KLF12: variants seen among roughly 807,000 people sequenced by gnomAD.
KLF12 encodes Krueppel-like factor 12.
Under a neutral mutation model 37.8 loss-of-function variants are expected in KLF12, and 9 were observed. The ratio of observed to expected loss-of-function variants is 0.24; its 90% CI spans 0.14 to 0.42. The LOEUF (loss-of-function observed/expected upper bound fraction) is 0.42. KLF12 is among the 10% of genes least tolerant of loss of function. The probability of loss-of-function intolerance (pLI) is 1.00; values close to 1 mark genes in which losing one functional copy is unlikely to be tolerated. For missense variants in KLF12, 411 were observed against 516.0 expected, an observed-to-expected ratio of 0.80 and a Z score of 1.97; for synonymous variants, 208 against 202.1, an observed-to-expected ratio of 1.03 and a Z score of -0.25.
chr13:73,749,408 A>G (rs748899923), intron 6 of KLF12, among the ~76,000 whole-genome samples: 4 of 152,212 alleles, frequency 2.6e-5, no homozygotes, highest in Non-Finnish European at 4.4e-5. Flanking sequence ...AATTAAAACT[A>G]AAAGACTGAT....
intron 1 of KLF12, among the ~76,000 whole-genome samples, chr13:74,009,369 C>A (rs1358000755): frequency 6.6e-6 from 1 of 152,166 alleles, no homozygotes; most frequent in Non-Finnish European, 1.5e-5. Flanking sequence ...TTCACGGTAA[C>A]CTTGTGAAGA....
the KLF12 span, among the ~76,000 whole-genome samples, chr13:74,161,048 T>A: frequency 6.7e-6 from 1 of 149,438 alleles, no homozygotes; most frequent in Non-Finnish European, 1.5e-5. Flanking sequence ...CGGAGATTGG[T>A]TTTGGACATT....
intron 3 of KLF12, among the ~76,000 whole-genome samples, chr13:73,852,454 C>T (rs1479842622): frequency 6.6e-6 from 1 of 152,092 alleles, no homozygotes; most frequent in East Asian, 1.9e-4. Context: ...AATTCAACTG[C>T]CTTATATCAA....
intron 1 of KLF12, among the ~76,000 whole-genome samples, chr13:74,008,001 C>T (rs1203211905): frequency 2.0e-5 from 3 of 151,788 alleles, no homozygotes; most frequent in African/African-American, 7.3e-5. Flanking sequence ...ATCAAAGTAA[C>T]AGTTACATTG....
At chr13:74,006,817 T>G (rs1395338234) in intron 1 of KLF12, among the ~76,000 whole-genome samples, 1 of 152,184 alleles carries the variant, frequency 6.6e-6, no homozygotes, top group African/African-American at 2.4e-5. Flanking sequence ...CAATTTTCCT[T>G]TGCCACCTCA....
intron 1 of KLF12, among the ~76,000 whole-genome samples, chr13:74,080,868 G>C (rs1031982714): frequency 1.3e-5 from 2 of 152,134 alleles, no homozygotes; most frequent in African/African-American, 2.4e-5. Context: ...GTACTGATGA[G>C]GAAAGAGACA....
intron 7 of KLF12, among the ~76,000 whole-genome samples, chr13:73,696,118 C>T (rs1322809961): frequency 6.6e-6 from 1 of 151,142 alleles, no homozygotes; most frequent in East Asian, 2.0e-4. Flanking sequence ...TGGCTTAAGG[C>T]TATTTTAAAA....
the KLF12 span, among the ~76,000 whole-genome samples, chr13:74,262,730 CTG>C: frequency 1.3e-5 from 2 of 152,148 alleles, no homozygotes; most frequent in African/African-American, 4.8e-5. Context: ...AGAGGATCAA[CTG>C]TATTTCCAGA....
intron 2 of KLF12, among the ~76,000 whole-genome samples, chr13:73,972,735 T>A (rs2138116324): frequency 6.6e-6 from 1 of 151,010 alleles, no homozygotes; most frequent in Middle Eastern, 3.4e-3. Context: ...CGTGACCCAC[T>A]ACTGCCCTTC....
chr13:73,742,713 T>C (rs551166416), intron 6 of KLF12, among the ~76,000 whole-genome samples: 79 of 152,242 alleles, frequency 5.2e-4, no homozygotes, highest in African/African-American at 1.8e-3. Flanking sequence ...TTTAGGCAGA[T>C]TAAGTAGATT....
chr13:73,898,903 G>A (rs1373620914), intron 3 of KLF12, among the ~76,000 whole-genome samples: 1 of 152,220 alleles, frequency 6.6e-6, no homozygotes, highest in East Asian at 1.9e-4. Context: ...ACAATGGTGT[G>A]AGAGTCCCAT....
chr13:73,774,324 A>G (rs1880462510), intron 5 of KLF12, among the ~76,000 whole-genome samples: 1 of 151,368 alleles, frequency 6.6e-6, no homozygotes, highest in African/African-American at 2.4e-5. Context: ...ATATATATAG[A>G]TTATACATTA....
chr13:74,059,921 C>G (rs114358367), intron 1 of KLF12, among the ~76,000 whole-genome samples: 1,847 of 152,230 alleles, frequency 0.012, 31 homozygotes, highest in African/African-American at 0.042. Flanking sequence ...AGTCTTTAAT[C>G]CATCTTAATT....
Position 73,914,024 on chromosome 13 carries a change from G to A in KLF12, c.123+29957C>T, listed in dbSNP as rs368095459. On this transcript the variant is annotated intron_variant, in intron 3 of 7. Transcript: ENST00000377669. ...AACAAATTTATTTTTAATCTTTGCTGGTCGCTGGCCAGCCCAGCTCTGAGT... is the reference window on the plus strand; with the variant it reads ...AACAAATTTATTTTTAATCTTTGCTAGTCGCTGGCCAGCCCAGCTCTGAGT... Among the ~76,000 whole-genome samples the A allele has an allele frequency of 2.9e-3, 436 of 152,262 alleles. 3 individuals carry two copies. The highest frequency in any genetic ancestry group is 1.0e-2 in the African/African-American group (414 of 41,542).
chr13:74,265,032 A>G, the KLF12 span, among the ~76,000 whole-genome samples: 3 of 152,240 alleles, frequency 2.0e-5, no homozygotes, highest in Non-Finnish European at 4.4e-5. Context: ...AAGAAATAAA[A>G]TGACCGAATT....
At chr13:73,955,910 C>A (rs776601620) in intron 2 of KLF12, among the ~76,000 whole-genome samples, 74 of 152,196 alleles carry the variant, frequency 4.9e-4, no homozygotes, top group Non-Finnish European at 7.5e-4. Flanking sequence ...CCTGTCATCA[C>A]CCTGACGATG....
chr13:74,196,733 A>C, the KLF12 span, among the ~76,000 whole-genome samples: 2 of 152,106 alleles, frequency 1.3e-5, no homozygotes, highest in Non-Finnish European at 2.9e-5. Context: ...CTCAGAAGTA[A>C]TCCTTTTAAA....
chr13:73,908,115 G>A (rs1161444347), intron 3 of KLF12, among the ~76,000 whole-genome samples: 1 of 152,026 alleles, frequency 6.6e-6, no homozygotes, highest in African/African-American at 2.4e-5. Context: ...AAATATTAAT[G>A]CTTCCGGCCA....
In KLF12 at chr13:73,870,766, C is replaced by T. The variant is rs191307517; in HGVS notation, c.124-24393G>A. ...CAAATTAGCTACAATAAAGATTTCC[C>T]TCTAAGCCTTGTCATCTCTTTTGTC... On this transcript the variant is annotated intron_variant, in intron 3 of 7. Transcript: ENST00000377669. Among the ~76,000 whole-genome samples, 13 of 152,252 alleles carry T rather than the reference C, an allele frequency of 8.5e-5. No homozygotes were observed. In the East Asian group the frequency reaches 2.5e-3, roughly 29 times the overall value.
Sources: allele counts gnomAD v4.1 joint callset (sites outside exome capture counted in the v4.1 genomes callset), GRCh38; gene constraint gnomAD v4.1.1; transcripts MANE v1.5; gene names NCBI Gene and HGNC (gene_info 2026-07-23, HGNC 2026-07-21).